CDCA7L: variants seen among roughly 807,000 people sequenced by gnomAD.
CDCA7L encodes the protein cell division cycle associated 7 like.
CDCA7L carries 44 observed loss-of-function variants against 57.4 expected under a neutral mutation model. The ratio of observed to expected loss-of-function variants is 0.77; its 90% CI spans 0.60 to 0.98. The LOEUF (loss-of-function observed/expected upper bound fraction) is 0.98, where lower values mean the gene tolerates loss of function less well. Among genes scored for constraint, CDCA7L ranks in the 50% least tolerant of loss-of-function variants. CDCA7L has a pLI of 0.00. For synonymous variants in CDCA7L, 236 were observed against 202.8 expected (o/e 1.16, Z -1.39); for missense variants, 644 against 580.6 (o/e 1.11, Z -1.12).
At chr7:21,910,654 C>T (rs34145161) in intron 3 of CDCA7L, among the ~76,000 whole-genome samples, 59,364 of 152,112 alleles carry the variant, frequency 0.39, 12,406 homozygotes, top group Non-Finnish European at 0.47. Context: ...CACTTAAATC[C>T]GAAGGCTGTG....
rs201246341 is a variant in CDCA7L at position 21,911,765 on chromosome 7, G to C, written c.166-11C>G. The C allele has an allele frequency of 4.3e-6, 7 of 1,610,324 alleles. No homozygotes were observed. In the African/African-American group the frequency reaches 6.7e-5, roughly 15 times the overall value. On this transcript the variant is annotated splice_polypyrimidine_tract_variant and intron_variant, in intron 2 of 9. Coordinates refer to ENST00000406877, the MANE Select transcript of CDCA7L (RefSeq NM_018719.5). ...AAAGCGCACATCCTGCTAAATTAAA[G>C]ACACACATACATCAGAGACGGAAAG...
rs1562617299 is a variant in CDCA7L, at chr7:21,902,247, TTCTTAGGCACCAA to T, written c.*62_*74del. The T allele has an allele frequency of 4.6e-5, 2 of 43,166 alleles. No homozygotes were observed. Among genetic ancestry groups the T allele is most frequent in the Admixed American group, 1.6e-4 (1 of 6,196 alleles). 2.7% of individuals were successfully genotyped at this position (43,166 alleles called of 1,614,324 possible). A position where few individuals can be genotyped will look rare whatever the true frequency, so the allele number is the denominator to read the frequency against. ...TAAAAACACAACTGTAAAAAAATCT[TTCTTAGGCACCAA>T]TGGTATGCATGTCTTGTTGGAGTAC... On this transcript the variant is annotated 3_prime_UTR_variant, in exon 10 of 10. Transcript: ENST00000406877.
At chr7:21,915,619 A>C (rs2128061510) in intron 2 of CDCA7L, among the ~76,000 whole-genome samples, 1 of 145,276 alleles carries the variant, frequency 6.9e-6, no homozygotes, top group South Asian at 2.3e-4. Flanking sequence ...CCAATATGGC[A>C]AAACCCCATC....
At position 21,902,234 on chromosome 7, in the gene CDCA7L, T is replaced by C; in HGVS notation, c.*88A>G. On this transcript the variant is annotated 3_prime_UTR_variant, in exon 10 of 10. Transcript: ENST00000406877. ...AAGAATTTCTGTATAAAAACACAAC[T>C]GTAAAAAAATCTTTCTTAGGCACCA... 1 of 1,119,872 alleles carries C rather than the reference T, an allele frequency of 8.9e-7. No individual in the cohort carries two copies. Among genetic ancestry groups the C allele is most frequent in the Non-Finnish European group, 1.3e-6 (1 of 771,916 alleles). 69.4% of individuals were successfully genotyped at this position (1,119,872 alleles called of 1,614,324 possible). A position where few individuals can be genotyped will look rare whatever the true frequency, so the allele number is the denominator to read the frequency against.
intron 1 of CDCA7L, among the ~76,000 whole-genome samples, chr7:21,939,053 T>C (rs1020933834): frequency 3.9e-5 from 6 of 152,046 alleles, no homozygotes; most frequent in African/African-American, 1.4e-4. Context: ...TACTATAACA[T>C]GGATAAACTT....
intron 1 of CDCA7L, among the ~76,000 whole-genome samples, chr7:21,935,206 G>C (rs113710037): frequency 5.6e-4 from 86 of 152,278 alleles, no homozygotes; most frequent in African/African-American, 1.9e-3. Flanking sequence ...TGTTACAGTA[G>C]AGTGAAACTA....
In CDCA7L at chr7:21,902,377, G is replaced by GGTAAA. The variant is rs549631577; in HGVS notation, c.1335-30_1335-26dup. On this transcript the variant is annotated intron_variant, in intron 9 of 9. Transcript: ENST00000406877. ...GCTGGGAAAAAGATGAGAAGTATTT[G>GGTAAA]GTAAAGTAGTACAAATACACAAATG... 1.7e-3 allele frequency: 2,772 copies of GGTAAA among 1,610,142 alleles called. 9 individuals are homozygous for GGTAAA. The highest frequency in any genetic ancestry group is 5.9e-3 in the Middle Eastern group (36 of 6,056).
intron 8 of CDCA7L, among the ~76,000 whole-genome samples, chr7:21,903,437 GGTTTCCAAAATAT>G (rs1046407483): frequency 6.6e-6 from 1 of 152,172 alleles, no homozygotes; most frequent in African/African-American, 2.4e-5. Context: ...AGGAGCACAA[GGTTTCCAAAATAT>G]CAAGGTATGA....
At chr7:21,902,674 G>A (rs1344611429) in intron 9 of CDCA7L, 1 of 487,698 alleles carries the variant, frequency 2.1e-6, no homozygotes, top group East Asian at 3.4e-5. Context: ...CATAATCTGT[G>A]TCTTTCCCCT....
In CDCA7L at chr7:21,902,282, G is replaced by A. The variant is rs566480709; in HGVS notation, c.*40C>T. On this transcript the variant is annotated 3_prime_UTR_variant, in exon 10 of 10. Transcript: ENST00000406877. ...CCAATGGTATGCATGTCTTGTTGGA[G>A]TACTCTATGGTGAGGTGGCTGGTTC... is the stretch of plus-strand genomic sequence containing the variant. 7 of 1,578,342 alleles carry A rather than the reference G, an allele frequency of 4.4e-6. No homozygotes were observed. The highest frequency in any genetic ancestry group is 1.3e-5 in the African/African-American group (1 of 74,532).
At chr7:21,910,738 ATAAC>A (rs1467867858) in intron 3 of CDCA7L, among the ~76,000 whole-genome samples, 1 of 152,208 alleles carries the variant, frequency 6.6e-6, no homozygotes, top group Non-Finnish European at 1.5e-5. Context: ...AAACAAACAA[ATAAC>A]TAACAAGTCT....
rs925695218 is a variant in CDCA7L at position 21,901,960 on chromosome 7, G to A, written c.*362C>T. ...TGGCCTGGAGTGAGTTACTGTTTGG[G>A]AAGCCAAAGATAGATAGATCAAGTG... On this transcript the variant is annotated 3_prime_UTR_variant, in exon 10 of 10. Coordinates refer to ENST00000406877, the MANE Select transcript of CDCA7L (RefSeq NM_018719.5). 69 of 165,474 alleles carry A rather than the reference G, an allele frequency of 4.2e-4. 1 individual carries two copies. The highest frequency in any genetic ancestry group is 7.6e-4 in the Non-Finnish European group (63 of 82,738). The allele number at this position is 165,474 out of a possible 1,614,324, so 10.3% of individuals were successfully genotyped here.
At chr7:21,906,724 T>C in intron 4 of CDCA7L, 85 bp from the exon 5 acceptor site, 3 of 1,330,608 alleles carry the variant, frequency 2.3e-6, no homozygotes, top group Non-Finnish European at 2.2e-6. Context: ...GTCTTCCATT[T>C]TGCCACCATA....
Position 21,938,733 on chromosome 7 carries a change from A to G in CDCA7L, c.24+7048T>C, listed in dbSNP as rs537994584. Among the ~76,000 whole-genome samples, 8 of 152,338 alleles carry G rather than the reference A, an allele frequency of 5.3e-5. No individual in the cohort carries two copies. The South Asian group carries it at 1.7e-3, about 32-fold the overall frequency. On this transcript the variant is annotated intron_variant, in intron 1 of 9. Transcript: ENST00000406877. ...CTTTAAAAGAAATGACGTCAGGCACAGTGTCTTATGCCTCTAATCCCAGCA... is the reference window on the plus strand; with the variant it reads ...CTTTAAAAGAAATGACGTCAGGCACGGTGTCTTATGCCTCTAATCCCAGCA...
chr7:21,926,244 A>G (rs1465538105), intron 1 of CDCA7L, among the ~76,000 whole-genome samples: 1 of 152,240 alleles, frequency 6.6e-6, no homozygotes, highest in Non-Finnish European at 1.5e-5. Flanking sequence ...AAAAAAATAC[A>G]AACTCATGTT....
chr7:21,910,577 TGAA>T (rs1359087780), intron 3 of CDCA7L, among the ~76,000 whole-genome samples: 1 of 152,212 alleles, frequency 6.6e-6, no homozygotes, highest in Non-Finnish European at 1.5e-5. Flanking sequence ...ATCTTCATAC[TGAA>T]GAAGATAGTA....
intron 1 of CDCA7L, chr7:21,945,015 T>C (rs1417831409): frequency 6.6e-6 from 1 of 152,242 alleles, no homozygotes; most frequent in Non-Finnish European, 1.5e-5. Flanking sequence ...TAAGTAAACA[T>C]GTATCTCCAT....
At chr7:21,914,856 A>C (rs1293634500) in intron 2 of CDCA7L, among the ~76,000 whole-genome samples, 1 of 152,212 alleles carries the variant, frequency 6.6e-6, no homozygotes, top group Admixed American at 6.5e-5. Context: ...CCTGGGGAGA[A>C]CACACCTGAC....
chr7:21,929,052 G>A (rs1785912842), intron 1 of CDCA7L, among the ~76,000 whole-genome samples: 1 of 152,170 alleles, frequency 6.6e-6, no homozygotes, highest in South Asian at 2.1e-4. Flanking sequence ...AGGGCAGCCA[G>A]AGAGAAAGGT....
Sources: gnomAD v4.1 joint callset for allele counts (sites outside exome capture counted in the v4.1 genomes callset) on GRCh38, gnomAD v4.1.1 for gene constraint, MANE v1.5 for transcripts, NCBI Gene and HGNC (gene_info 2026-07-23, HGNC 2026-07-21) for gene names.